The following EEFSEC variants were observed in gnomAD, a reference collection of about 807,000 sequenced individuals.
The protein encoded by EEFSEC is eukaryotic elongation factor, selenocysteine-tRNA specific.
Under a neutral mutation model 42.1 loss-of-function variants are expected in EEFSEC, and 43 were observed. The ratio of observed to expected loss-of-function variants is 1.02; its 90% confidence interval spans 0.80 to 1.32. The LOEUF is 1.32. Ranked by LOEUF, EEFSEC falls within the 40% of genes most tolerant of loss-of-function variation. EEFSEC has a pLI of 0.00. For synonymous variants in EEFSEC, 354 were observed against 339.1 expected, an observed-to-expected ratio of 1.04 and a Z score of -0.48; for missense variants, 745 against 803.6, an observed-to-expected ratio of 0.93 and a Z score of 0.88.
chr3:128,248,769 G>A (rs975894197), intron 2 of EEFSEC, among the ~76,000 whole-genome samples: 1 of 152,210 alleles, frequency 6.6e-6, no homozygotes, highest in Non-Finnish European at 1.5e-5. Context: ...CTTAGGGTAC[G>A]TTTAAGGGTT....
chr3:128,345,562 A>G (rs1381310392), intron 5 of EEFSEC, among the ~76,000 whole-genome samples: 1 of 152,262 alleles, frequency 6.6e-6, no homozygotes, highest in East Asian at 1.9e-4. Flanking sequence ...AGTTTCTGGA[A>G]GATCAGAGAA....
intron 1 of EEFSEC, among the ~76,000 whole-genome samples, chr3:128,164,763 G>C (rs1398476865): frequency 6.6e-6 from 1 of 152,166 alleles, no homozygotes; most frequent in Non-Finnish European, 1.5e-5. Context: ...AGGGTAGCCC[G>C]GACCAGATCT....
chr3:128,202,431 T>G (rs2065653146), intron 1 of EEFSEC, among the ~76,000 whole-genome samples: 1 of 152,236 alleles, frequency 6.6e-6, no homozygotes, highest in Non-Finnish European at 1.5e-5. Flanking sequence ...GATGCTATCA[T>G]AAATGATATT....
chr3:128,355,735 T>C (rs1470074500), intron 5 of EEFSEC, among the ~76,000 whole-genome samples: 1 of 152,188 alleles, frequency 6.6e-6, no homozygotes, highest in African/African-American at 2.4e-5. Context: ...GCCTGTTTTA[T>C]GTGCAGGGAA....
At chr3:128,359,065 A>G (rs974202711) in intron 6 of EEFSEC, among the ~76,000 whole-genome samples, 2 of 152,220 alleles carry the variant, frequency 1.3e-5, no homozygotes, top group Admixed American at 6.5e-5. Context: ...TCCCTGTCAG[A>G]TGGGAGTAGG....
chr3:128,246,784 G>A (rs1472210162), intron 1 of EEFSEC, 52 bp from the exon 2 acceptor site: 1 of 1,599,572 alleles, frequency 6.3e-7, no homozygotes, highest in Non-Finnish European at 8.5e-7. Flanking sequence ...GCAACTTTCT[G>A]TGGGGCTCAC....
rs2068150620 is a variant in EEFSEC at position 128,408,596 on chromosome 3, G to A, written c.*337G>A. The A allele has an allele frequency of 1.2e-5, 3 of 244,550 alleles. No individual in the cohort carries two copies. The Admixed American group carries it at 1.7e-4, about 14-fold the overall frequency. The allele number at this position is 244,550 out of a possible 1,614,324, so 15.1% of individuals were successfully genotyped here. A position where few individuals can be genotyped will look rare whatever the true frequency, so the allele number is the denominator to read the frequency against. On this transcript the variant is annotated 3_prime_UTR_variant, in exon 7 of 7. Transcript: ENST00000254730. ...CCAGTCTCAACCCTCCCCCAGGTGG[G>A]CAGGCACTTGATGGCTACAAATAAA...
intron 1 of EEFSEC, among the ~76,000 whole-genome samples, chr3:128,183,188 C>T (rs1477714530): frequency 6.6e-6 from 1 of 152,198 alleles, no homozygotes. Flanking sequence ...ATAAATATTA[C>T]TGCTAGTACT....
chr3:128,212,367 G>A (rs962391958), intron 1 of EEFSEC, among the ~76,000 whole-genome samples: 3 of 152,202 alleles, frequency 2.0e-5, no homozygotes, highest in Non-Finnish European at 1.5e-5. Context: ...GCTCCTTAGA[G>A]ACCAGCCACC....
intron 2 of EEFSEC, among the ~76,000 whole-genome samples, chr3:128,257,393 G>A (rs1384997149): frequency 6.6e-6 from 1 of 152,156 alleles, no homozygotes; most frequent in African/African-American, 2.4e-5. Flanking sequence ...GCCACTTGCT[G>A]GGATATGTTC....
intron 1 of EEFSEC, among the ~76,000 whole-genome samples, chr3:128,156,421 A>G (rs1944382400): frequency 1.3e-5 from 2 of 152,192 alleles, no homozygotes; most frequent in Non-Finnish European, 2.9e-5. Context: ...AGGTTACCCT[A>G]TAGTTCCCTC....
intron 6 of EEFSEC, among the ~76,000 whole-genome samples, chr3:128,382,265 T>C (rs1278237011): frequency 1.3e-5 from 2 of 152,176 alleles, no homozygotes; most frequent in Non-Finnish European, 2.9e-5. Flanking sequence ...TCATGGGAAA[T>C]TGGATGCCAA....
intron 4 of EEFSEC, among the ~76,000 whole-genome samples, chr3:128,266,246 G>T (rs2066352486): frequency 6.6e-6 from 1 of 152,136 alleles, no homozygotes. Context: ...GAGCACTGTG[G>T]CCCAGCTAAG....
chr3:128,365,186 G>A lies in EEFSEC; in HGVS notation c.1600+6813G>A, dbSNP rs115443394. On this transcript the variant is annotated intron_variant, in intron 6 of 6. Coordinates refer to ENST00000254730, the MANE Select transcript of EEFSEC (RefSeq NM_021937.5). ...CCTCCGTGTACAGACCTGTCTAGGT[G>A]CTGGAGGGGGTCAGAGGTGAAACAA... Among the ~76,000 whole-genome samples the A allele has an allele frequency of 3.3e-3, 510 of 152,332 alleles. 1 individual carries two copies. Among genetic ancestry groups the A allele is most frequent in the African/African-American group, 0.011 (471 of 41,580 alleles).
intron 1 of EEFSEC, among the ~76,000 whole-genome samples, chr3:128,162,294 A>C (rs2065197127): frequency 1.3e-5 from 2 of 152,184 alleles, no homozygotes; most frequent in African/African-American, 2.4e-5. Context: ...GTCCTCTACC[A>C]CCAACTAAAG....
intron 6 of EEFSEC, among the ~76,000 whole-genome samples, chr3:128,379,063 G>T (rs569398679): frequency 7.2e-5 from 11 of 152,330 alleles, no homozygotes; most frequent in African/African-American, 2.6e-4. Context: ...TTTCTCCTGG[G>T]TGTCTTAGCC....
At chr3:128,194,064 C>T (rs1299722709) in intron 1 of EEFSEC, among the ~76,000 whole-genome samples, 2 of 152,208 alleles carry the variant, frequency 1.3e-5, no homozygotes, top group African/African-American at 2.4e-5. Flanking sequence ...GCTAAGCTGC[C>T]ACAAAGGCTG....
chr3:128,258,865 C>T (rs1221669183), intron 2 of EEFSEC, among the ~76,000 whole-genome samples: 1 of 152,146 alleles, frequency 6.6e-6, no homozygotes, highest in African/African-American at 2.4e-5. Flanking sequence ...TCCAAATTCT[C>T]ATATGGATTT....
chr3:128,329,738 G>C lies in EEFSEC; in HGVS notation c.787-11495G>C, dbSNP rs879603948. Among the ~76,000 whole-genome samples, 6 of 152,340 alleles carry C rather than the reference G, an allele frequency of 3.9e-5. No homozygotes were observed. In the South Asian group the frequency reaches 1.2e-3, roughly 32 times the overall value. ...GAGCCAGCCAGATGGCCACAGGCCT[G>C]TGTGCCCATCCAGCAGCCTGCCCTG... On this transcript the variant is annotated intron_variant, in intron 4 of 6. Transcript: ENST00000254730.
Sources: gnomAD v4.1 joint callset for allele counts (sites outside exome capture counted in the v4.1 genomes callset) on GRCh38, gnomAD v4.1.1 for gene constraint, MANE v1.5 for transcripts, NCBI Gene and HGNC (gene_info 2026-07-23, HGNC 2026-07-21) for gene names.